Variants in CATSPERE observed in about 807,000 individuals in gnomAD.
CATSPERE encodes cation channel sperm-associated auxiliary subunit epsilon.
CATSPERE carries 93 observed loss-of-function variants against 114.1 expected under a neutral mutation model. The observed-to-expected ratio is 0.81, with a 90% CI of 0.69 to 0.97. CATSPERE has a LOEUF of 0.97. Among genes scored for constraint, CATSPERE ranks in the 50% least tolerant of loss-of-function variants. The pLI, the probability that CATSPERE is intolerant of heterozygous loss-of-function variation, is 0.00. For synonymous variants in CATSPERE, 341 were observed against 384.1 expected (o/e 0.89, Z 1.31); for missense variants, 1,058 against 1,131.6 (o/e 0.93, Z 0.93).
rs1363874132 is a variant in CATSPERE, at chr1:244,572,537, C to T, written c.1715C>T (p.Ala572Val). 4.3e-6 allele frequency: 7 copies of T among 1,613,986 alleles called. No homozygotes were observed. The highest frequency in any genetic ancestry group is 5.1e-6 in the Non-Finnish European group (6 of 1,179,834). ...QIQDYPLHLE[A>V]QSIAFTTKDK... ...CAGGACTATCCCTTACATCTGGAAG[C>T]ACAAAGTATAGCTTTCACAACAAAA... The change falls in exon 11 of 22, where the codon GCA becomes GTA. Residue 572 changes from alanine (A) to valine (V), a missense_variant. By Grantham distance (64) the Ala-to-Val change is moderately conservative. This residue lies in a region of CATSPERE where 787 missense variants were observed against 905.6 expected (regional missense o/e 0.87). Coordinates refer to ENST00000366534, the MANE Select transcript of CATSPERE (RefSeq NM_001130957.2).
chr1:244,518,782 T>C, intron 8 of CATSPERE, 84 bp downstream of exon 8: 1 of 676,632 alleles, frequency 1.5e-6, no homozygotes, highest in Non-Finnish European at 2.4e-6. Context: ...TAATGAAATG[T>C]GTCTTATATG....
At chr1:244,502,905 C>A (rs1453334387) in intron 7 of CATSPERE, among the ~76,000 whole-genome samples, 3 of 152,144 alleles carry the variant, frequency 2.0e-5, no homozygotes, top group Non-Finnish European at 4.4e-5. Flanking sequence ...AGGTTCCCAT[C>A]CCCCATTGGT....
intron 11 of CATSPERE, among the ~76,000 whole-genome samples, chr1:244,577,494 T>C (rs1293033346): frequency 6.6e-6 from 1 of 152,166 alleles, no homozygotes; most frequent in African/African-American, 2.4e-5. Context: ...ACAACAGAAA[T>C]TTACTTTCTC....
intron 5 of CATSPERE, among the ~76,000 whole-genome samples, chr1:244,488,195 C>T (rs371786116): frequency 6.6e-6 from 1 of 152,220 alleles, no homozygotes; most frequent in African/African-American, 2.4e-5. Context: ...TCTTCTGAAA[C>T]TGCTGTGGCA....
At chr1:244,542,694 T>C (rs1659047566) in intron 8 of CATSPERE, among the ~76,000 whole-genome samples, 1 of 152,192 alleles carries the variant, frequency 6.6e-6, no homozygotes, top group South Asian at 2.1e-4. Flanking sequence ...TAGTATACCA[T>C]GGTGTATAAG....
chr1:244,503,633 C>A (rs757864812), intron 7 of CATSPERE, among the ~76,000 whole-genome samples: 8 of 152,146 alleles, frequency 5.3e-5, no homozygotes, highest in Non-Finnish European at 1.0e-4. Flanking sequence ...CACTCTGTCA[C>A]CCAGGCTGCA....
intron 16 of CATSPERE, 26 bp from the exon 17 acceptor site, chr1:244,593,473 T>A: frequency 1.2e-6 from 2 of 1,613,290 alleles, no homozygotes; most frequent in Non-Finnish European, 1.7e-6. Context: ...ATATATAAAA[T>A]CACTAAAGTA....
At chr1:244,578,299 T>A (rs1219313623) in intron 11 of CATSPERE, among the ~76,000 whole-genome samples, 1 of 152,098 alleles carries the variant, frequency 6.6e-6, no homozygotes, top group African/African-American at 2.4e-5. Flanking sequence ...ACTATGGGTG[T>A]GCACCACCAC....
chr1:244,539,940 A>T (rs1258977645), intron 8 of CATSPERE, among the ~76,000 whole-genome samples: 3 of 151,070 alleles, frequency 2.0e-5, no homozygotes, highest in East Asian at 1.9e-4. Context: ...GGATTCATTA[A>T]TTTTTTTGAA....
intron 5 of CATSPERE, among the ~76,000 whole-genome samples, chr1:244,489,390 AAAG>A (rs1374287407): frequency 6.6e-6 from 1 of 151,752 alleles, no homozygotes; most frequent in African/African-American, 2.4e-5. Context: ...TCAACATTTT[AAAG>A]AAGATTAATC....
intron 15 of CATSPERE, among the ~76,000 whole-genome samples, chr1:244,592,564 A>T (rs1667870029): frequency 6.6e-6 from 1 of 152,194 alleles, no homozygotes; most frequent in East Asian, 1.9e-4. Flanking sequence ...TAATTTATTA[A>T]TTAAAATAAA....
At chr1:244,523,766 A>G (rs1008138481) in intron 8 of CATSPERE, among the ~76,000 whole-genome samples, 1 of 141,118 alleles carries the variant, frequency 7.1e-6, no homozygotes, top group African/African-American at 2.9e-5. Context: ...AATACCTAGG[A>G]ATCCAACTTA....
Position 244,593,532 on chromosome 1 carries a change from C to T in CATSPERE, c.2257C>T (p.Pro753Ser). 1 of 1,614,010 alleles carries T rather than the reference C, an allele frequency of 6.2e-7. No individual in the cohort carries two copies. Residue 753 changes from proline to serine, a missense_variant, in exon 17 of 22, where the codon CCT becomes TCT. Pro to Ser is a moderately conservative substitution (Grantham distance 74). Around this residue, in one of 2 missense-constraint regions of CATSPERE, gnomAD observed 787 missense variants for 905.6 expected, o/e 0.87. Coordinates refer to ENST00000366534, the MANE Select transcript of CATSPERE (RefSeq NM_001130957.2). ...GTATATTTGGGGAGAATATGGCTGC[C>T]CTCTGAGGCTTGACTTCACAGAAAA... ...VRYIWGEYGC[P>S]LRLDFTEKFQ...
intron 19 of CATSPERE, among the ~76,000 whole-genome samples, chr1:244,614,320 A>C (rs765790836): frequency 3.9e-5 from 6 of 152,146 alleles, no homozygotes; most frequent in African/African-American, 1.4e-4. Context: ...TCCTTTCCGG[A>C]AAGACTGCCA....
intron 20 of CATSPERE, among the ~76,000 whole-genome samples, chr1:244,620,848 C>A (rs960345586): frequency 5.1e-4 from 76 of 150,288 alleles, no homozygotes; most frequent in African/African-American, 1.8e-3. Flanking sequence ...TCCCTGGTGA[C>A]CTGGATCACA....
In CATSPERE at chr1:244,520,644, C is replaced by T. The variant is rs903637314; in HGVS notation, c.536+1946C>T. Among the ~76,000 whole-genome samples, 11 of 152,046 alleles carry T rather than the reference C, an allele frequency of 7.2e-5. No homozygotes were observed. The East Asian group carries it at 1.4e-3, about 19-fold the overall frequency. Reference sequence around the variant, plus strand: ...TCGGCAGAGCAGCCACTCAGGCACACGCAGAGGCCCAGGAGTTTTACATAC... The same window carrying T: ...TCGGCAGAGCAGCCACTCAGGCACATGCAGAGGCCCAGGAGTTTTACATAC... On this transcript the variant is annotated intron_variant, in intron 8 of 21. Transcript: ENST00000366534.
At chr1:244,602,382 G>A (rs1162966394) in intron 17 of CATSPERE, among the ~76,000 whole-genome samples, 1 of 152,178 alleles carries the variant, frequency 6.6e-6, no homozygotes, top group African/African-American at 2.4e-5. Flanking sequence ...TGGCAGACTT[G>A]AATCAATCAA....
chr1:244,466,825 G>A (rs1488781773), intron 2 of CATSPERE, among the ~76,000 whole-genome samples: 1 of 152,124 alleles, frequency 6.6e-6, no homozygotes, highest in Non-Finnish European at 1.5e-5. Context: ...ACCTAATGAG[G>A]GATGGTGCTC....
chr1:244,474,136 A>G (rs964821331), intron 2 of CATSPERE, among the ~76,000 whole-genome samples: 1 of 152,038 alleles, frequency 6.6e-6, no homozygotes, highest in African/African-American at 2.4e-5. Flanking sequence ...GGTTCAAGCA[A>G]TTCTCTTGCC....
Sources: gnomAD v4.1 joint callset for allele counts (sites outside exome capture counted in the v4.1 genomes callset) on GRCh38, gnomAD v4.1.1 for gene constraint, gnomAD v4.1.1 regional missense constraint, MANE v1.5 for transcripts, NCBI Gene and HGNC (gene_info 2026-07-23, HGNC 2026-07-21) for gene names.